SORCS2: variants seen among roughly 807,000 people sequenced by gnomAD.
The protein encoded by SORCS2 is sortilin related VPS10 domain containing receptor 2.
SORCS2 carries 100 observed loss-of-function variants against 141.6 expected under a neutral mutation model. That is an observed-to-expected ratio of 0.71 (90% confidence interval 0.60 to 0.83). The LOEUF is 0.83. Ranked by LOEUF, SORCS2 falls within the 40% of genes least tolerant of loss-of-function variation. SORCS2 has a pLI of 0.00. For synonymous variants in SORCS2, 789 were observed against 676.9 expected (o/e 1.17, Z -2.57); for missense variants, 1,646 against 1,560.2 (o/e 1.05, Z -0.93).
rs1560232164 is a variant in SORCS2, at chr4:7,377,347, G to A, written c.481-18941G>A. Among the ~76,000 whole-genome samples the A allele has an allele frequency of 6.5e-5, 5 of 76,488 alleles. No homozygotes were observed. In the South Asian group the frequency reaches 2.0e-3, roughly 31 times the overall value. The allele number at this position is 76,488 out of a possible 152,430, so 50.2% of individuals were successfully genotyped here. Reference sequence around the variant, plus strand: ...ATGTGTTTGCCCAGTTCCAGAACTGGGGCTGTGACGGGGGGGACAGATCGG... The same window carrying A: ...ATGTGTTTGCCCAGTTCCAGAACTGAGGCTGTGACGGGGGGGACAGATCGG... On this transcript the variant is annotated intron_variant, in intron 1 of 26. Transcript: ENST00000507866.
At chr4:7,642,493 G>A (rs1720814160) in intron 4 of SORCS2, among the ~76,000 whole-genome samples, 1 of 152,212 alleles carries the variant, frequency 6.6e-6, no homozygotes, top group African/African-American at 2.4e-5. Flanking sequence ...AAAGGAATGA[G>A]GAATGTGAGG....
In SORCS2 at chr4:7,706,079, C is replaced by CCG. The variant is rs1560498547; in HGVS notation, c.1868+1795_1868+1796insCG. Among the ~76,000 whole-genome samples, 397 of 144,158 alleles carry CCG rather than the reference C, an allele frequency of 2.8e-3. 4 individuals carry two copies. The highest frequency in any genetic ancestry group is 4.6e-3 in the Admixed American group (66 of 14,466). 94.6% of individuals were successfully genotyped at this position (144,158 alleles called of 152,430 possible). ...GCCTGGGCAGGGATGAGGCTGGGCTCTGCCTGGACAGAGATGAGGCTGGGC... is the reference window on the plus strand; with the variant it reads ...GCCTGGGCAGGGATGAGGCTGGGCTCCGTGCCTGGACAGAGATGAGGCTGGGC... On this transcript the variant is annotated intron_variant, in intron 14 of 26. Transcript: ENST00000507866.
chr4:7,697,148 T>G, intron 11 of SORCS2, 50 bp from the exon 12 acceptor site: 1 of 1,493,102 alleles, frequency 6.7e-7, no homozygotes, highest in Non-Finnish European at 9.1e-7. Context: ...GTTAAAGGGG[T>G]AAAGCTGGAC....
rs1216800715 is a variant in SORCS2 at position 7,233,952 on chromosome 4, A to C, written c.480+40826A>C. ...AAGGAGGCTGTTGGGCTCAGGAGCA[A>C]GATGGAAAGGGGGTGGGGGAGGACC... On this transcript the variant is annotated intron_variant, in intron 1 of 26. Coordinates refer to ENST00000507866, the MANE Select transcript of SORCS2 (RefSeq NM_020777.3). This position sits in a 1 kb window ranked among gnomAD's most constrained non-coding sequence, Gnocchi z 4.5. 2.0e-5 allele frequency among the ~76,000 whole-genome samples: 3 copies of C among 152,118 alleles called. No individual in the cohort carries two copies. Among genetic ancestry groups the C allele is most frequent in the Non-Finnish European group, 2.9e-5 (2 of 68,018 alleles).
At chr4:7,262,996 C>T (rs1714470449) in intron 1 of SORCS2, among the ~76,000 whole-genome samples, 1 of 152,194 alleles carries the variant, frequency 6.6e-6, no homozygotes, top group South Asian at 2.1e-4. Context: ...GTCTCAGGGA[C>T]TCATCCTAAC....
intron 1 of SORCS2, among the ~76,000 whole-genome samples, chr4:7,308,874 C>T (rs1045201967): frequency 2.0e-5 from 3 of 152,188 alleles, no homozygotes; most frequent in South Asian, 2.1e-4. Flanking sequence ...AGACCCTGCC[C>T]GTGCACAGCA....
intron 1 of SORCS2, among the ~76,000 whole-genome samples, chr4:7,205,062 A>G (rs967135814): frequency 5.9e-5 from 9 of 152,246 alleles, no homozygotes; most frequent in Non-Finnish European, 1.0e-4. Context: ...GTTTTTCTCA[A>G]TTATTCCCAT....
intron 1 of SORCS2, among the ~76,000 whole-genome samples, chr4:7,248,510 G>A (rs925652496): frequency 6.6e-6 from 1 of 152,212 alleles, no homozygotes; most frequent in Non-Finnish European, 1.5e-5. Context: ...GACAGAATCT[G>A]TGAAGTGCCT....
intron 1 of SORCS2, among the ~76,000 whole-genome samples, chr4:7,327,646 C>T (rs1269690263): frequency 6.6e-6 from 1 of 152,220 alleles, no homozygotes; most frequent in Non-Finnish European, 1.5e-5. Context: ...CTGGGTCCCT[C>T]CAGGCCTTTG....
chr4:7,495,096 A>G (rs368970736), intron 2 of SORCS2, among the ~76,000 whole-genome samples: 27 of 152,352 alleles, frequency 1.8e-4, no homozygotes, highest in African/African-American at 5.5e-4. Flanking sequence ...CTCCTCTAGC[A>G]ACGGTGCCTG....
At chr4:7,242,135 T>C (rs1212034910) in intron 1 of SORCS2, among the ~76,000 whole-genome samples, 1 of 152,198 alleles carries the variant, frequency 6.6e-6, no homozygotes, top group East Asian at 1.9e-4. Flanking sequence ...CTGTGGCTGG[T>C]CCTTAGGAAA....
intron 2 of SORCS2, among the ~76,000 whole-genome samples, chr4:7,520,433 A>G: frequency 6.6e-6 from 1 of 152,174 alleles, no homozygotes; most frequent in Non-Finnish European, 1.5e-5. Flanking sequence ...CTAAGGTGTC[A>G]GTAAAAGCTG....
chr4:7,285,229 C>A (rs577996536), intron 1 of SORCS2, among the ~76,000 whole-genome samples: 16 of 152,052 alleles, frequency 1.1e-4, no homozygotes, highest in Non-Finnish European at 2.1e-4. Context: ...GATGAGGTTT[C>A]ACCATGTTGG....
At position 7,433,990 on chromosome 4, in the gene SORCS2, C is replaced by T. The variant is rs375702256; in HGVS notation, c.548+37635C>T. 1.9e-6 allele frequency: 3 copies of T among 1,613,618 alleles called. No homozygotes were observed. Among genetic ancestry groups the T allele is most frequent in the African/African-American group, 1.3e-5 (1 of 74,936 alleles). On this transcript the variant is annotated intron_variant, in intron 2 of 26. Transcript: ENST00000507866. Reference sequence around the variant, plus strand: ...GTCCAGCTTCTGCACCACGTTCATGCACACCTCACAGGTCACACCGGCCTT... The same window carrying T: ...GTCCAGCTTCTGCACCACGTTCATGTACACCTCACAGGTCACACCGGCCTT...
chr4:7,437,336 G>C (rs908264590), intron 2 of SORCS2, among the ~76,000 whole-genome samples: 4 of 152,186 alleles, frequency 2.6e-5, no homozygotes, highest in African/African-American at 9.7e-5. Flanking sequence ...TGTGTACAAG[G>C]CAAGGACTAG....
intron 1 of SORCS2, among the ~76,000 whole-genome samples, chr4:7,361,931 T>G: frequency 1.3e-5 from 2 of 151,244 alleles, no homozygotes; most frequent in Admixed American, 6.6e-5. Flanking sequence ...GGCGGTGGGG[T>G]AGTCCTACCC....
chr4:7,606,204 T>C (rs983039771), intron 3 of SORCS2, among the ~76,000 whole-genome samples: 3 of 152,166 alleles, frequency 2.0e-5, no homozygotes, highest in Non-Finnish European at 4.4e-5. Flanking sequence ...TCTTTGAAGG[T>C]GAGCTACAGG....
chr4:7,541,107 C>T (rs1177630286), intron 3 of SORCS2, among the ~76,000 whole-genome samples: 1 of 152,230 alleles, frequency 6.6e-6, no homozygotes, highest in African/African-American at 2.4e-5. Context: ...TCCTTTCTGT[C>T]TCCCTGTGAT....
chr4:7,344,903 C>A (rs540483465), intron 1 of SORCS2, among the ~76,000 whole-genome samples: 103 of 152,282 alleles, frequency 6.8e-4, no homozygotes, highest in African/African-American at 1.5e-3. Flanking sequence ...AGTCTGGAAG[C>A]TTTTGGCTGT....
Sources: allele counts gnomAD v4.1 joint callset (sites outside exome capture counted in the v4.1 genomes callset), GRCh38; gene constraint gnomAD v4.1.1; non-coding constraint Gnocchi (gnomAD v3.1); transcripts MANE v1.5; gene names NCBI Gene and HGNC (gene_info 2026-07-23, HGNC 2026-07-21).